TIMP3: variants seen among roughly 807,000 people sequenced by gnomAD.
The protein encoded by TIMP3 is metalloproteinase inhibitor 3.
In TIMP3, 11 loss-of-function variants were observed where a neutral mutation model predicts 30.0. The observed-to-expected ratio is 0.37, with a 90% confidence interval of 0.23 to 0.61. The LOEUF is 0.61. TIMP3 is among the 20% of genes least tolerant of loss of function. The pLI is 0.70. For synonymous variants in TIMP3, 112 were observed against 111.3 expected, an observed-to-expected ratio of 1.01 and a Z score of -0.04; for missense variants, 181 against 276.8, an observed-to-expected ratio of 0.65 and a Z score of 2.45.
chr22:32,809,681 T>G (rs2046859840), intron 1 of TIMP3, among the ~76,000 whole-genome samples: 1 of 152,262 alleles, frequency 6.6e-6, no homozygotes, highest in Non-Finnish European at 1.5e-5. Context: ...GTCATTATTC[T>G]GACACAATCA....
At chr22:32,809,606 G>A (rs2046858617) in intron 1 of TIMP3, among the ~76,000 whole-genome samples, 2 of 152,152 alleles carry the variant, frequency 1.3e-5, no homozygotes, top group Non-Finnish European at 2.9e-5. Context: ...TTCATGTGTT[G>A]AGTGTTGATT....
intron 4 of TIMP3, among the ~76,000 whole-genome samples, chr22:32,858,436 G>T (rs2146292176): frequency 6.6e-6 from 1 of 152,282 alleles, no homozygotes; most frequent in South Asian, 2.1e-4. Flanking sequence ...GGCAGTTCAA[G>T]GCTGGAGGTA....
intron 1 of TIMP3, among the ~76,000 whole-genome samples, chr22:32,840,197 G>A (rs1305450442): frequency 6.6e-6 from 1 of 152,100 alleles, no homozygotes. Flanking sequence ...GTGTGTCTTT[G>A]GGTTTATTTT....
At chr22:32,810,982 G>A (rs1033291726) in intron 1 of TIMP3, among the ~76,000 whole-genome samples, 7 of 152,286 alleles carry the variant, frequency 4.6e-5, no homozygotes, top group African/African-American at 1.7e-4. Context: ...AAAATGGGGG[G>A]AAATATATTA....
chr22:32,809,177 A>C (rs2046844093), intron 1 of TIMP3, among the ~76,000 whole-genome samples: 1 of 152,248 alleles, frequency 6.6e-6, no homozygotes, highest in Admixed American at 6.5e-5. Flanking sequence ...AGGCTAGGGA[A>C]GCCAAATGGC....
At chr22:32,806,559 C>T (rs1410248981) in intron 1 of TIMP3, among the ~76,000 whole-genome samples, 1 of 152,218 alleles carries the variant, frequency 6.6e-6, no homozygotes, top group Non-Finnish European at 1.5e-5. Context: ...GAGGGCAGAT[C>T]TGAGCTCCAC....
intron 1 of TIMP3, among the ~76,000 whole-genome samples, chr22:32,814,129 TGTGTGTGTGTGTGA>T (rs1296607993): frequency 2.5e-4 from 34 of 137,428 alleles, no homozygotes; most frequent in Admixed American, 2.4e-3. Flanking sequence ...TGTGTGTGTG[TGTGTGTGTGTGTGA>T]GAGAGAGAGA....
intron 1 of TIMP3, among the ~76,000 whole-genome samples, chr22:32,807,433 A>AAT (rs1284839519): frequency 7.7e-6 from 1 of 129,176 alleles, no homozygotes; most frequent in South Asian, 2.3e-4. Context: ...TTATATATAT[A>AAT]ATATATATAT....
Position 32,859,421 on chromosome 22 carries a change from G to T in TIMP3, c.*44G>T. 4 of 1,580,996 alleles carry T rather than the reference G, an allele frequency of 2.5e-6. No individual in the cohort carries two copies. The highest frequency in any genetic ancestry group is 3.4e-6 in the Non-Finnish European group (4 of 1,168,340). On this transcript the variant is annotated 3_prime_UTR_variant, in exon 5 of 5. Coordinates refer to ENST00000266085, the MANE Select transcript of TIMP3 (RefSeq NM_000362.5). ...CCTCACTTCCCTCCCTTCCCGCTGA[G>T]CTTCCCTTGGACACTAACTCTTCCC... is the stretch of plus-strand genomic sequence containing the variant.
intron 1 of TIMP3, among the ~76,000 whole-genome samples, chr22:32,807,202 T>C (rs130272): frequency 0.6 from 87,406 of 146,648 alleles, 26,555 homozygotes; most frequent in African/African-American, 0.71. Context: ...TCTTGGAACC[T>C]TGAAATGTCT....
At chr22:32,819,619 C>T (rs1348580451) in intron 1 of TIMP3, among the ~76,000 whole-genome samples, 3 of 152,162 alleles carry the variant, frequency 2.0e-5, no homozygotes, top group African/African-American at 7.2e-5. Context: ...GCCTCTACAG[C>T]CTGTTCCCCT....
At chr22:32,848,853 C>G (rs956035380) in intron 1 of TIMP3, among the ~76,000 whole-genome samples, 1 of 151,518 alleles carries the variant, frequency 6.6e-6, no homozygotes, top group Non-Finnish European at 1.5e-5. Flanking sequence ...CTTCTTCTAA[C>G]CACATCCCCA....
chr22:32,841,563 TG>T (rs2047903256), intron 1 of TIMP3, among the ~76,000 whole-genome samples: 1 of 152,050 alleles, frequency 6.6e-6, no homozygotes, highest in South Asian at 2.1e-4. Flanking sequence ...CAGTGTTGGA[TG>T]GGTCGAATTT....
chr22:32,842,487 T>C (rs752870468), intron 1 of TIMP3, among the ~76,000 whole-genome samples: 1 of 152,162 alleles, frequency 6.6e-6, no homozygotes, highest in Non-Finnish European at 1.5e-5. Flanking sequence ...CCTGGGGGGA[T>C]GAGGAAATGC....
intron 4 of TIMP3, 150 bp from the exon 5 acceptor site, chr22:32,859,030 G>A: frequency 1.4e-6 from 1 of 739,166 alleles, no homozygotes; most frequent in Admixed American, 2.0e-5. Context: ...AGATGCTCAA[G>A]CTAGTGCTAT....
intron 1 of TIMP3, among the ~76,000 whole-genome samples, chr22:32,843,913 G>A (rs1396620631): frequency 6.6e-6 from 1 of 152,130 alleles, no homozygotes; most frequent in Non-Finnish European, 1.5e-5. Flanking sequence ...TCTTTGGAGA[G>A]ACAGGAATGG....
intron 1 of TIMP3, among the ~76,000 whole-genome samples, chr22:32,825,141 TGGGAGGACTTGG>T (rs2047364930): frequency 6.6e-6 from 1 of 151,236 alleles, no homozygotes; most frequent in Admixed American, 6.6e-5. Flanking sequence ...GGGCAGTGGG[TGGGAGGACTTGG>T]GGGAGGGATG....
chr22:32,851,449 A>C (rs2048215330), intron 2 of TIMP3, among the ~76,000 whole-genome samples: 1 of 152,078 alleles, frequency 6.6e-6, no homozygotes, highest in South Asian at 2.1e-4. Context: ...TTAGAGACCA[A>C]ACAACACTTG....
chr22:32,846,474 CAG>C (rs2048064815), intron 1 of TIMP3, among the ~76,000 whole-genome samples: 1 of 152,196 alleles, frequency 6.6e-6, no homozygotes, highest in Admixed American at 6.5e-5. Context: ...ATGCTAATAA[CAG>C]TGGTAGCAAA....
Sources: gnomAD v4.1 joint callset for allele counts (sites outside exome capture counted in the v4.1 genomes callset) on GRCh38, gnomAD v4.1.1 for gene constraint, MANE v1.5 for transcripts, NCBI Gene and HGNC (gene_info 2026-07-23, HGNC 2026-07-21) for gene names.